Variants in LAMA4 observed in about 807,000 individuals in gnomAD.
LAMA4 encodes the protein laminin subunit alpha-4.
A neutral mutation model predicts 207.1 loss-of-function variants in LAMA4; 127 were observed. That is an observed-to-expected ratio of 0.61 (90% confidence interval 0.53 to 0.71). The LOEUF (loss-of-function observed/expected upper bound fraction) is 0.71. Among genes scored for constraint, LAMA4 ranks in the 30% least tolerant of loss-of-function variants. LAMA4 has a pLI of 0.00. For synonymous variants in LAMA4, 761 were observed against 816.0 expected (o/e 0.93, Z 1.15); for missense variants, 2,093 against 2,246.5 (o/e 0.93, Z 1.38).
At chr6:112,116,340 C>G (rs1370479910) in intron 35 of LAMA4, among the ~76,000 whole-genome samples, 1 of 152,112 alleles carries the variant, frequency 6.6e-6, no homozygotes, top group East Asian at 1.9e-4. Context: ...GAAGTAGACT[C>G]AACACAGGTA....
intron 14 of LAMA4, among the ~76,000 whole-genome samples, chr6:112,157,454 T>C (rs901072281): frequency 1.3e-5 from 2 of 152,214 alleles, no homozygotes; most frequent in African/African-American, 4.8e-5. Context: ...CAGACAGATA[T>C]GGAAGGATAC....
At chr6:112,241,277 T>C (rs1344565027) in intron 2 of LAMA4, among the ~76,000 whole-genome samples, 3 of 149,768 alleles carry the variant, frequency 2.0e-5, no homozygotes, top group African/African-American at 7.4e-5. Context: ...CAACGACTGT[T>C]ACTCCTCCTA....
chr6:112,187,674 A>C (rs548888462), intron 7 of LAMA4, 73 bp from the exon 8 acceptor site: 3 of 1,418,080 alleles, frequency 2.1e-6, no homozygotes, highest in African/African-American at 1.4e-5. Context: ...GCAGAACATA[A>C]ATCTCTATTT....
intron 9 of LAMA4, 21 bp downstream of exon 9, chr6:112,185,216 A>G: frequency 6.8e-7 from 1 of 1,473,244 alleles, no homozygotes; most frequent in African/African-American, 1.4e-5. Flanking sequence ...TGTCCCAGAA[A>G]CTGAATACAT....
intron 18 of LAMA4, among the ~76,000 whole-genome samples, chr6:112,145,908 A>C (rs2114727308): frequency 6.6e-6 from 1 of 152,294 alleles, no homozygotes; most frequent in African/African-American, 2.4e-5. Flanking sequence ...GTCAAGAGGA[A>C]TACTGGGAAA....
At chr6:112,136,323 T>G in intron 24 of LAMA4, 69 bp from the exon 25 acceptor site, 1 of 1,252,404 alleles carries the variant, frequency 8.0e-7, no homozygotes, top group Non-Finnish European at 1.2e-6. Flanking sequence ...TAGCTGAATT[T>G]GAGAAATAAG....
At chr6:112,216,678 T>C in intron 2 of LAMA4, 1 of 563,936 alleles carries the variant, frequency 1.8e-6, no homozygotes, top group Non-Finnish European at 3.2e-6. Context: ...CTTTGTTACA[T>C]AACTTTTTCC....
chr6:112,200,902 G>A (rs2115000214), intron 5 of LAMA4, among the ~76,000 whole-genome samples: 2 of 152,170 alleles, frequency 1.3e-5, no homozygotes, highest in African/African-American at 4.8e-5. Context: ...GGCAAGGGGA[G>A]GGATAGCATT....
intron 19 of LAMA4, 61 bp from the exon 20 acceptor site, chr6:112,142,353 G>A (rs552972386): frequency 1.3e-5 from 20 of 1,495,176 alleles, no homozygotes; most frequent in Middle Eastern, 1.7e-4. Flanking sequence ...GTGCTTTCCC[G>A]TGCTTCCCTC....
In LAMA4 at chr6:112,175,331, C is replaced by A; in HGVS notation, c.1339G>T (p.Ala447Ser). The A allele has an allele frequency of 6.2e-7, 1 of 1,614,134 alleles. No homozygotes were observed. Among genetic ancestry groups the A allele is most frequent in the South Asian group, 1.1e-5 (1 of 91,090 alleles). ...CACCTACGTTCGTAAGCCTCATCTG[C>A]CTCCTCATCCACGAGCTCCCGTTGG... The part of the protein sequence containing the change: ...FTQRELVDEE[A>S]DEAYELLSQA... Residue 447 changes from alanine (A) to serine (S), a missense_variant, in exon 11 of 39, where the codon GCA becomes TCA. Ala to Ser is a moderately conservative substitution (Grantham distance 99). Around this residue, in one of 3 missense-constraint regions of LAMA4, gnomAD observed 1,704 missense variants for 1,788.4 expected, o/e 0.95. Transcript: ENST00000230538.
intron 12 of LAMA4, 28 bp downstream of exon 12, chr6:112,172,583 A>C (rs1554342167): frequency 6.2e-7 from 1 of 1,607,914 alleles, no homozygotes; most frequent in Non-Finnish European, 8.5e-7. Flanking sequence ...TGATGCTGAA[A>C]TGCATTGATG....
At chr6:112,226,202 T>C (rs1329296092) in intron 2 of LAMA4, among the ~76,000 whole-genome samples, 1 of 152,206 alleles carries the variant, frequency 6.6e-6, no homozygotes, top group Non-Finnish European at 1.5e-5. Context: ...CAGAATTAAT[T>C]AAAAACTCTT....
chr6:112,174,163 C>T (rs1781881529), intron 11 of LAMA4, among the ~76,000 whole-genome samples: 1 of 152,224 alleles, frequency 6.6e-6, no homozygotes, highest in South Asian at 2.1e-4. Flanking sequence ...TATCTCTCTA[C>T]TCCTTGAGTC....
intron 2 of LAMA4, chr6:112,234,579 T>C (rs1255440751): frequency 6.7e-6 from 1 of 149,906 alleles, no homozygotes; most frequent in Non-Finnish European, 1.5e-5. Flanking sequence ...TGTTAGCAGA[T>C]TAAAAAAAAA....
chr6:112,214,575 A>G (rs1224590696), intron 3 of LAMA4, among the ~76,000 whole-genome samples: 2 of 152,228 alleles, frequency 1.3e-5, no homozygotes, highest in Non-Finnish European at 2.9e-5. Context: ...CATATATTAC[A>G]TTAATGAGGG....
At chr6:112,165,366 G>A in intron 12 of LAMA4, 90 bp from the exon 13 acceptor site, 1 of 869,380 alleles carries the variant, frequency 1.2e-6, no homozygotes, top group Non-Finnish European at 2.0e-6. Flanking sequence ...TGCTCTCTTT[G>A]GACTCAGACA....
In LAMA4 at chr6:112,190,934, T is replaced by C. The variant is rs1179072451; in HGVS notation, c.718+702A>G. On this transcript the variant is annotated intron_variant, in intron 6 of 38. Coordinates refer to ENST00000230538, the MANE Select transcript of LAMA4 (RefSeq NM_001105206.3). Reference sequence around the variant, plus strand: ...TTCTTTCTTTCTTTCTTTCTTTCTTTCTTTCTTTCTTTCCTTTCTTTCTTT... The same window carrying C: ...TTCTTTCTTTCTTTCTTTCTTTCTTCCTTTCTTTCTTTCCTTTCTTTCTTT... Among the ~76,000 whole-genome samples the C allele has an allele frequency of 2.7e-3, 172 of 62,760 alleles. 1 individual carries two copies. The highest frequency in any genetic ancestry group is 0.026 in the Middle Eastern group (3 of 116). 41.2% of individuals were successfully genotyped at this position (62,760 alleles called of 152,430 possible). A position where few individuals can be genotyped will look rare whatever the true frequency, so the allele number is the denominator to read the frequency against.
intron 35 of LAMA4, among the ~76,000 whole-genome samples, chr6:112,116,495 C>T (rs190355732): frequency 3.6e-4 from 55 of 152,304 alleles, no homozygotes; most frequent in African/African-American, 1.1e-3. Flanking sequence ...ATTTTACAGT[C>T]ACTGAGCAAG....
intron 13 of LAMA4, among the ~76,000 whole-genome samples, chr6:112,160,435 C>CA (rs1554338088): frequency 1.4e-5 from 2 of 143,868 alleles, no homozygotes; most frequent in Non-Finnish European, 1.5e-5. Flanking sequence ...TATCTCCCGT[C>CA]AAAAAACAAA....
Sources: allele counts gnomAD v4.1 joint callset (sites outside exome capture counted in the v4.1 genomes callset), GRCh38; gene constraint gnomAD v4.1.1; regional missense constraint gnomAD v4.1.1; transcripts MANE v1.5; gene names NCBI Gene and HGNC (gene_info 2026-07-23, HGNC 2026-07-21).